SLC28A3: variants seen among roughly 807,000 people sequenced by gnomAD.
SLC28A3 encodes concentrative Na(+)-nucleoside cotransporter 3.
Under a neutral mutation model 84.2 loss-of-function variants are expected in SLC28A3, and 68 were observed. The ratio of observed to expected loss-of-function variants is 0.81; its 90% CI spans 0.66 to 0.99. The LOEUF is 0.99. Ranked by LOEUF, SLC28A3 falls within the 50% of genes least tolerant of loss-of-function variation. The probability of loss-of-function intolerance (pLI) is 0.00; values close to 1 mark genes in which losing one functional copy is unlikely to be tolerated. For missense variants in SLC28A3, 712 were observed against 841.5 expected (o/e 0.85, Z 1.90); for synonymous variants, 267 against 303.6 (o/e 0.88, Z 1.25).
chr9:84,311,068 C>G (rs374722073), intron 2 of SLC28A3, among the ~76,000 whole-genome samples: 20 of 152,162 alleles, frequency 1.3e-4, no homozygotes, highest in African/African-American at 4.8e-4. Flanking sequence ...ACAGCCAGGC[C>G]GCTGGAGAGA....
chr9:84,306,543 A>G (rs966397402), intron 3 of SLC28A3, among the ~76,000 whole-genome samples: 11 of 152,154 alleles, frequency 7.2e-5, no homozygotes, highest in African/African-American at 2.7e-4. Context: ...AGCAGGAAAT[A>G]TTGGTTATTT....
intron 11 of SLC28A3, 87 bp downstream of exon 11, chr9:84,290,067 T>C: frequency 6.6e-7 from 1 of 1,519,008 alleles, no homozygotes; most frequent in Non-Finnish European, 8.9e-7. Context: ...CTTGGCCTCC[T>C]TTTTCCACCA....
intron 5 of SLC28A3, among the ~76,000 whole-genome samples, chr9:84,301,349 CAAAAAAAAAAAAA>C (rs59917986): frequency 1.3e-4 from 6 of 44,716 alleles, no homozygotes; most frequent in Non-Finnish European, 3.1e-4. Context: ...GACTCTGTCT[CAAAAAAAAAAAAA>C]AAAAAAAAAA....
chr9:84,283,456 G>T (rs187944484), intron 14 of SLC28A3, among the ~76,000 whole-genome samples: 58 of 152,378 alleles, frequency 3.8e-4, no homozygotes, highest in African/African-American at 1.4e-3. Flanking sequence ...AGGCACTGAT[G>T]TGGAAAGGTA....
At chr9:84,358,123 T>C in the SLC28A3 span, among the ~76,000 whole-genome samples, 1 of 152,202 alleles carries the variant, frequency 6.6e-6, no homozygotes, top group Non-Finnish European at 1.5e-5. Flanking sequence ...ATCTACTTTC[T>C]GTTCTGCTGA....
At chr9:84,329,107 T>C (rs1247854856) in intron 1 of SLC28A3, among the ~76,000 whole-genome samples, 1 of 152,168 alleles carries the variant, frequency 6.6e-6, no homozygotes, top group Non-Finnish European at 1.5e-5. Context: ...GAAATAGGTT[T>C]TAAGACAACA....
intron 1 of SLC28A3, among the ~76,000 whole-genome samples, chr9:84,326,876 G>A (rs949238550): frequency 6.6e-6 from 1 of 151,930 alleles, no homozygotes; most frequent in East Asian, 1.9e-4. Flanking sequence ...AGACATGGTG[G>A]CGCCTGTAAT....
chr9:84,298,314 C>T (rs910402665), intron 6 of SLC28A3, among the ~76,000 whole-genome samples: 1 of 152,086 alleles, frequency 6.6e-6, no homozygotes, highest in Non-Finnish European at 1.5e-5. Context: ...TGGCAAAACC[C>T]CATCTCTACT....
Position 84,299,797 on chromosome 9 carries a change from T to G in SLC28A3, c.525-72A>C, listed in dbSNP as rs550200601. The G allele has an allele frequency of 5.4e-6, 8 of 1,487,290 alleles. No individual in the cohort carries two copies. The African/African-American group carries it at 9.9e-5, about 18-fold the overall frequency. 92.1% of individuals were successfully genotyped at this position (1,487,290 alleles called of 1,614,324 possible). On this transcript the variant is annotated intron_variant, in intron 5 of 17. Coordinates refer to ENST00000376238, the MANE Select transcript of SLC28A3 (RefSeq NM_001199633.2). ...TTGAGAATCATAATCAGGCTTAATT[T>G]TTTTTTTTTTTGAGAGATGGAGTCT...
At chr9:84,295,845 T>C (rs1042954879) in intron 8 of SLC28A3, among the ~76,000 whole-genome samples, 5 of 152,150 alleles carry the variant, frequency 3.3e-5, no homozygotes, top group African/African-American at 1.2e-4. Flanking sequence ...GAGGACAATT[T>C]GTACAGGATC....
Position 84,299,659 on chromosome 9 carries a change from A to T in SLC28A3, c.591T>A (p.Gly197=). The change falls in exon 6 of 18, where the codon GGT becomes GGA. Residue 197 remains glycine, a synonymous_variant. Coordinates refer to ENST00000376238, the MANE Select transcript of SLC28A3 (RefSeq NM_001199633.2). ...CACCGAAGGACACCAGCTGCTGTTG[A>T]CCCAATTTGGCAGTGTCAAAGGCCA... ...FWLAFDTAKL[G]QQQLVSFGGL... 1 of 1,613,782 alleles carries T rather than the reference A, an allele frequency of 6.2e-7. No homozygotes were observed. The highest frequency in any genetic ancestry group is 8.5e-7 in the Non-Finnish European group (1 of 1,179,932).
chr9:84,301,108 G>C (rs1478050923), intron 5 of SLC28A3, among the ~76,000 whole-genome samples: 1 of 151,990 alleles, frequency 6.6e-6, no homozygotes. Flanking sequence ...CCAGCACTTT[G>C]GGAGGCTGAG....
chr9:84,297,870 C>G, intron 7 of SLC28A3, 36 bp downstream of exon 7: 1 of 1,542,240 alleles, frequency 6.5e-7, no homozygotes, highest in Non-Finnish European at 8.8e-7. Context: ...GTTAAAAGCA[C>G]CATAAAAGCA....
At chr9:84,352,194 T>G in the SLC28A3 span, among the ~76,000 whole-genome samples, 39 of 151,882 alleles carry the variant, frequency 2.6e-4, no homozygotes, top group African/African-American at 8.7e-4. Flanking sequence ...AAATTTTGCT[T>G]TTTTTTTAAG....
intron 2 of SLC28A3, among the ~76,000 whole-genome samples, chr9:84,311,953 T>G (rs1482272909): frequency 6.6e-6 from 1 of 152,258 alleles, no homozygotes; most frequent in Non-Finnish European, 1.5e-5. Flanking sequence ...TTTTCCAGAA[T>G]GTCGTATAGT....
the SLC28A3 span, among the ~76,000 whole-genome samples, chr9:84,349,084 C>T: frequency 2.6e-5 from 4 of 152,108 alleles, no homozygotes; most frequent in Admixed American, 6.6e-5. Context: ...TGGGTGCAGG[C>T]GGGCTGAGTC....
At chr9:84,354,869 A>G in the SLC28A3 span, among the ~76,000 whole-genome samples, 21 of 152,054 alleles carry the variant, frequency 1.4e-4, no homozygotes, top group Admixed American at 1.2e-3. Flanking sequence ...AAAGAAAAAA[A>G]AAAGAAAGAA....
chr9:84,318,843 T>C (rs1284004360), intron 1 of SLC28A3, among the ~76,000 whole-genome samples: 1 of 150,692 alleles, frequency 6.6e-6, no homozygotes, highest in Non-Finnish European at 1.5e-5. Flanking sequence ...CACTCCAGCC[T>C]GGGCAACAAA....
the SLC28A3 span, among the ~76,000 whole-genome samples, chr9:84,363,017 G>C: frequency 6.6e-6 from 1 of 152,186 alleles, no homozygotes; most frequent in South Asian, 2.1e-4. Flanking sequence ...TTCGTGAATG[G>C]TGACAGAGCT....
Sources: allele counts gnomAD v4.1 joint callset (sites outside exome capture counted in the v4.1 genomes callset), GRCh38; gene constraint gnomAD v4.1.1; transcripts MANE v1.5; gene names NCBI Gene and HGNC (gene_info 2026-07-23, HGNC 2026-07-21).